PCDH17: variants seen among roughly 807,000 people sequenced by gnomAD.
The protein encoded by PCDH17 is protocadherin-17.
Under a neutral mutation model 67.7 loss-of-function variants are expected in PCDH17, and 21 were observed. The observed-to-expected ratio is 0.31, with a 90% CI of 0.22 to 0.45. The LOEUF (loss-of-function observed/expected upper bound fraction) is 0.45. Among genes scored for constraint, PCDH17 ranks in the 20% least tolerant of loss-of-function variants. The probability of loss-of-function intolerance (pLI) is 1.00; values close to 1 mark genes in which losing one functional copy is unlikely to be tolerated. For synonymous variants in PCDH17, 701 were observed against 656.7 expected (o/e 1.07, Z -1.03); for missense variants, 1,471 against 1,564.8 (o/e 0.94, Z 1.01).
chr13:57,701,949 G>C (rs760147870), intron 3 of PCDH17, among the ~76,000 whole-genome samples: 1 of 151,786 alleles, frequency 6.6e-6, no homozygotes, highest in Non-Finnish European at 1.5e-5. Flanking sequence ...ATGGAGTCTT[G>C]CTCTGTTGCC....
chr13:57,716,876 G>A (rs1423708614), intron 3 of PCDH17, among the ~76,000 whole-genome samples: 1 of 151,818 alleles, frequency 6.6e-6, no homozygotes, highest in Non-Finnish European at 1.5e-5. Flanking sequence ...CAAGGTGTGG[G>A]GAGGTGTGTA....
At chr13:57,676,788 A>G (rs528365242) in intron 3 of PCDH17, among the ~76,000 whole-genome samples, 7 of 151,992 alleles carry the variant, frequency 4.6e-5, no homozygotes, top group African/African-American at 1.4e-4. Flanking sequence ...CCAGCCAAGT[A>G]TAATTGATAG....
chr13:57,675,750 G>A (rs759141077), intron 3 of PCDH17, among the ~76,000 whole-genome samples: 13 of 151,928 alleles, frequency 8.6e-5, no homozygotes, highest in African/African-American at 1.2e-4. Context: ...GTGGCTGGAA[G>A]CCCAGTGATG....
intron 1 of PCDH17, among the ~76,000 whole-genome samples, chr13:57,651,431 G>C (rs10444647): frequency 1.4e-5 from 2 of 147,154 alleles, no homozygotes; most frequent in South Asian, 2.2e-4. Flanking sequence ...GCACGATCTC[G>C]GCTCATTGCA....
rs1955920144 is a variant in PCDH17 at position 57,726,888 on chromosome 13, T to C, written c.*1594T>C. The C allele has an allele frequency of 6.6e-6, 1 of 152,564 alleles. No homozygotes were observed. Among genetic ancestry groups the C allele is most frequent in the African/African-American group, 2.4e-5 (1 of 41,446 alleles). The allele number at this position is 152,564 out of a possible 1,614,324, so 9.5% of individuals were successfully genotyped here. A position where few individuals can be genotyped will look rare whatever the true frequency, so the allele number is the denominator to read the frequency against. On this transcript the variant is annotated 3_prime_UTR_variant, in exon 4 of 4. Transcript: ENST00000377918. ...AATGCATGTATGTACCAGCAGTGGT[T>C]ACTTGCATTGTGTAGTGTTTTTCAA...
intron 3 of PCDH17, among the ~76,000 whole-genome samples, chr13:57,721,411 A>C (rs1187281357): frequency 6.6e-6 from 1 of 152,042 alleles, no homozygotes; most frequent in Non-Finnish European, 1.5e-5. Flanking sequence ...CTATCTAAAT[A>C]ATTTGCTTTT....
In PCDH17 at chr13:57,635,102, C is replaced by A. The variant is rs1378020720; in HGVS notation, c.2556C>A (p.Ser852=). The A allele has an allele frequency of 4.2e-5, 68 of 1,613,036 alleles. No homozygotes were observed. Among genetic ancestry groups the A allele is most frequent in the Non-Finnish European group, 5.8e-5 (68 of 1,179,910 alleles). Reference sequence around the variant, plus strand: ...GCGAGACCCCTGCCACTCGGATGTCCATAATTCAGGTAGGAGACTTTTAGC... The same window carrying A: ...GCGAGACCCCTGCCACTCGGATGTCAATAATTCAGGTAGGAGACTTTTAGC... ...NASETPATRM[S]IIQTDNFPAE... Residue 852 remains serine (S), a synonymous_variant, in exon 1 of 4, where the codon TCC becomes TCA. Transcript: ENST00000377918.
At position 57,654,482 on chromosome 13, in the gene PCDH17, ATTG is replaced by A. The variant is rs540105392; in HGVS notation, c.2566-11983_2566-11981del. 6.0e-3 allele frequency among the ~76,000 whole-genome samples: 917 copies of A among 152,160 alleles called. 4 individuals carry two copies. The highest frequency in any genetic ancestry group is 9.1e-3 in the Non-Finnish European group (615 of 67,936). Reference sequence around the variant, plus strand: ...AAAAGTTTCTAACAAAATCAAAATGATTGTTATTTTAAAACTAGATATAAAAGA... The same window carrying A: ...AAAAGTTTCTAACAAAATCAAAATGATTATTTTAAAACTAGATATAAAAGA... On this transcript the variant is annotated intron_variant, in intron 1 of 3. Coordinates refer to ENST00000377918, the MANE Select transcript of PCDH17 (RefSeq NM_001040429.3).
intron 3 of PCDH17, among the ~76,000 whole-genome samples, chr13:57,720,614 G>A (rs1280550098): frequency 2.6e-5 from 4 of 151,864 alleles, no homozygotes; most frequent in African/African-American, 9.7e-5. Flanking sequence ...ATTGCTAGTA[G>A]TTAATGTTCA....
At chr13:57,669,431 T>C (rs1390950961) in intron 3 of PCDH17, among the ~76,000 whole-genome samples, 1 of 151,974 alleles carries the variant, frequency 6.6e-6, no homozygotes, top group East Asian at 1.9e-4. Context: ...TTCTGTGTCT[T>C]CTGTCCTCCT....
chr13:57,671,313 C>A, intron 3 of PCDH17, among the ~76,000 whole-genome samples: 1 of 150,896 alleles, frequency 6.6e-6, no homozygotes, highest in African/African-American at 2.4e-5. Context: ...AAAAATATAT[C>A]TGATCCTTTT....
chr13:57,649,972 T>C (rs1046845526), intron 1 of PCDH17, among the ~76,000 whole-genome samples: 10 of 152,094 alleles, frequency 6.6e-5, no homozygotes, highest in African/African-American at 2.4e-4. Context: ...ATTTACATGG[T>C]TTGAAAAGAA....
chr13:57,633,811 A>T lies in PCDH17; in HGVS notation c.1265A>T (p.Tyr422Phe). ...FKLEENYDNF[Y>F]TVVTDRPLDR... ...CTTGAGGAGAACTACGACAACTTCT[A>T]CACGGTGGTGACTGACCGCCCGCTG... Residue 422 changes from tyrosine to phenylalanine, a missense_variant, in exon 1 of 4, where the codon TAC (tyrosine) becomes TTC (phenylalanine). Physicochemically the swap from Tyr to Phe is conservative, Grantham distance 22. Transcript: ENST00000377918. This position sits in a 1 kb window ranked among gnomAD's most constrained non-coding sequence, Gnocchi z 6.2. 6.2e-7 allele frequency: 1 copy of T among 1,611,220 alleles called. No individual in the cohort carries two copies. Among genetic ancestry groups the T allele is most frequent in the Non-Finnish European group, 8.5e-7 (1 of 1,179,866 alleles).
rs567952747 is a variant in PCDH17 at position 57,705,425 on chromosome 13, A to G, written c.2798-19187A>G. ...TTGGCATCATCCATTCATATTATCC[A>G]TATTAAGTATCTGACTAAGAACATG... On this transcript the variant is annotated intron_variant, in intron 3 of 3. Coordinates refer to ENST00000377918, the MANE Select transcript of PCDH17 (RefSeq NM_001040429.3). Among the ~76,000 whole-genome samples, 24 of 152,240 alleles carry G rather than the reference A, an allele frequency of 1.6e-4. 1 individual carries two copies. The highest frequency in any genetic ancestry group is 2.9e-4 in the Non-Finnish European group (20 of 68,006).
intron 1 of PCDH17, among the ~76,000 whole-genome samples, chr13:57,664,453 T>C (rs1378233835): frequency 6.6e-6 from 1 of 152,178 alleles, no homozygotes; most frequent in Non-Finnish European, 1.5e-5. Flanking sequence ...TTTAATAATA[T>C]GCAAATATTT....
chr13:57,653,821 T>C (rs1329578903), intron 1 of PCDH17, among the ~76,000 whole-genome samples: 1 of 152,144 alleles, frequency 6.6e-6, no homozygotes, highest in Non-Finnish European at 1.5e-5. Flanking sequence ...GGAAGCTTCA[T>C]GTGTCGAAAT....
rs556508282 is a variant in PCDH17, at chr13:57,666,431, G to T, written c.2566-37G>T. 168 of 1,534,820 alleles carry T rather than the reference G, an allele frequency of 1.1e-4. No individual in the cohort carries two copies. The South Asian group carries it at 1.8e-3, about 17-fold the overall frequency. ...TTGCTCTGCAGGAGATTTGTCCAGT[G>T]TACAACTATACGTATTTTTTTCCTT... On this transcript the variant is annotated intron_variant, in intron 1 of 3. Transcript: ENST00000377918.
At chr13:57,693,315 C>CATATATATATATATATATATATATATAT (rs59643529) in intron 3 of PCDH17, among the ~76,000 whole-genome samples, 4 of 89,358 alleles carry the variant, frequency 4.5e-5, no homozygotes, top group African/African-American at 9.0e-5. Flanking sequence ...CACTTACATT[C>CATATATATATATATATATATATATATAT]ATATATATAT....
chr13:57,644,812 A>G (rs1010525394), intron 1 of PCDH17, among the ~76,000 whole-genome samples: 1 of 151,784 alleles, frequency 6.6e-6, no homozygotes, highest in African/African-American at 2.4e-5. Context: ...GTAATGTCTC[A>G]GGAAAGGAGC....
Sources: gnomAD v4.1 joint callset for allele counts (sites outside exome capture counted in the v4.1 genomes callset) on GRCh38, gnomAD v4.1.1 for gene constraint, Gnocchi (gnomAD v3.1) non-coding constraint, MANE v1.5 for transcripts, NCBI Gene and HGNC (gene_info 2026-07-23, HGNC 2026-07-21) for gene names.